ADPRH: variants seen among roughly 807,000 people sequenced by gnomAD.
ADPRH encodes the protein ADP-ribosylarginine hydrolase.
A neutral mutation model predicts 28.8 loss-of-function variants in ADPRH; 27 were observed. The ratio of observed to expected loss-of-function variants is 0.94; its 90% CI spans 0.69 to 1.29. The LOEUF (loss-of-function observed/expected upper bound fraction) is 1.29, where lower values mean the gene tolerates loss of function less well. ADPRH is among the 50% of genes most tolerant of loss of function. ADPRH has a pLI of 0.00. For missense variants in ADPRH, 419 were observed against 444.8 expected, an observed-to-expected ratio of 0.94 and a Z score of 0.52; for synonymous variants, 161 against 166.9, an observed-to-expected ratio of 0.96 and a Z score of 0.27.
In ADPRH at chr3:119,579,686, G is replaced by C. The variant is rs930127370; in HGVS notation, c.-288G>C. 1 of 152,418 alleles carries C rather than the reference G, an allele frequency of 6.6e-6. No homozygotes were observed. Among genetic ancestry groups the C allele is most frequent in the Non-Finnish European group, 1.5e-5 (1 of 68,178 alleles). 9.4% of individuals were successfully genotyped at this position (152,418 alleles called of 1,614,324 possible). ...CAGCGCGGCCAAGCGCAGGTGCGGG[G>C]GCCCTCGCCGCCACCCTGCTTATCT... On this transcript the variant is annotated 5_prime_UTR_variant, in exon 1 of 5. Transcript: ENST00000357003.
Position 119,588,964 on chromosome 3 carries a change from C to T in ADPRH, c.*1086C>T, listed in dbSNP as rs1423520960. 1 of 152,182 alleles carries T rather than the reference C, an allele frequency of 6.6e-6. No homozygotes were observed. Among genetic ancestry groups the T allele is most frequent in the Non-Finnish European group, 1.5e-5 (1 of 68,052 alleles). The allele number at this position is 152,182 out of a possible 1,614,324, so 9.4% of individuals were successfully genotyped here. ...CCTCCAGAGTTATGTTTACGAATAA[C>T]AAATTGACCATGCTAAACTAATCAT... On this transcript the variant is annotated 3_prime_UTR_variant, in exon 5 of 5. Coordinates refer to ENST00000357003, the MANE Select transcript of ADPRH (RefSeq NM_001125.4).
intron 1 of ADPRH, 145 bp from the exon 2 acceptor site, chr3:119,580,406 C>T (rs1313287849): frequency 1.3e-5 from 2 of 152,070 alleles, no homozygotes; most frequent in East Asian, 1.9e-4. Context: ...GTCTAGTAGC[C>T]CAGAATCTCA....
chr3:119,583,106 G>A (rs539798037), intron 3 of ADPRH, among the ~76,000 whole-genome samples: 23 of 152,278 alleles, frequency 1.5e-4, no homozygotes, highest in Admixed American at 7.2e-4. Flanking sequence ...GCACATACCT[G>A]TAGTCCCAGC....
At position 119,589,093 on chromosome 3, in the gene ADPRH, G is replaced by C. The variant is rs374044722; in HGVS notation, c.*1215G>C. On this transcript the variant is annotated 3_prime_UTR_variant, in exon 5 of 5. Coordinates refer to ENST00000357003, the MANE Select transcript of ADPRH (RefSeq NM_001125.4). ...TGTCCTTCAAGACCCAACTCAGATA[G>C]ATAGAGCTTCCTGAGTGAAACCTGC... is the stretch of plus-strand genomic sequence containing the variant. The C allele has an allele frequency of 7.9e-5, 12 of 152,246 alleles. No individual in the cohort carries two copies. Among genetic ancestry groups the C allele is most frequent in the Non-Finnish European group, 1.8e-4 (12 of 68,076 alleles). 9.4% of individuals were successfully genotyped at this position (152,246 alleles called of 1,614,324 possible). A position where few individuals can be genotyped will look rare whatever the true frequency, so the allele number is the denominator to read the frequency against.
chr3:119,587,810 C>G lies in ADPRH; in HGVS notation c.1006C>G (p.Arg336Gly). ...CTATGAGAAACTAGAATACAGAAAC[C>G]GGCTGGAAGAGACAGCTAGGGCTTT... ...SNYEKLEYRNRLEETARALYS... is the reference protein window; with the variant it reads ...SNYEKLEYRNGLEETARALYS... The change falls in exon 5 of 5, where the codon CGG becomes GGG. Residue 336 changes from arginine (R) to glycine (G), a missense_variant. By Grantham distance (125) the Arg-to-Gly change is moderately radical. Coordinates refer to ENST00000357003, the MANE Select transcript of ADPRH (RefSeq NM_001125.4). 1 of 1,613,786 alleles carries G rather than the reference C, an allele frequency of 6.2e-7. No individual in the cohort carries two copies. The highest frequency in any genetic ancestry group is 1.7e-5 in the Admixed American group (1 of 59,978).
Position 119,582,433 on chromosome 3 carries a change from A to C in ADPRH, c.264A>C (p.Gln88His), listed in dbSNP as rs2082415951. ...ATTACCTCCTTGCTAAGCATTACCA[A>C]GACTGCATGGAAGACATGGATGGGC... is the stretch of plus-strand genomic sequence containing the variant. Reference protein sequence around the residue: ...QLYYLLAKHYQDCMEDMDGRA... With the variant: ...QLYYLLAKHYHDCMEDMDGRA... Residue 88 changes from glutamine (Q) to histidine (H), a missense_variant, in exon 3 of 5, where the codon CAA becomes CAC. Coordinates refer to ENST00000357003, the MANE Select transcript of ADPRH (RefSeq NM_001125.4). 2.5e-6 allele frequency: 4 copies of C among 1,613,980 alleles called. No homozygotes were observed. Among genetic ancestry groups the C allele is most frequent in the Non-Finnish European group, 3.4e-6 (4 of 1,179,900 alleles).
chr3:119,582,137 C>A lies in ADPRH; in HGVS notation c.-33C>A. 1.4e-6 allele frequency: 2 copies of A among 1,405,034 alleles called. No individual in the cohort carries two copies. Among genetic ancestry groups the A allele is most frequent in the Non-Finnish European group, 1.9e-6 (2 of 1,054,496 alleles). 87.0% of individuals were successfully genotyped at this position (1,405,034 alleles called of 1,614,324 possible). A position where few individuals can be genotyped will look rare whatever the true frequency, so the allele number is the denominator to read the frequency against. On this transcript the variant is annotated 5_prime_UTR_variant, in exon 3 of 5. Transcript: ENST00000357003. ...TTGTCTTAATTTCCCCACAAAGACA[C>A]CCTCTCCAGAGCCCAGCAATTGTGA... is the stretch of plus-strand genomic sequence containing the variant.
chr3:119,579,586 G>C lies in ADPRH; in HGVS notation c.-388G>C, dbSNP rs1525837. The C allele has an allele frequency of 6.6e-6, 1 of 152,292 alleles. No homozygotes were observed. Among genetic ancestry groups the C allele is most frequent in the Non-Finnish European group, 1.5e-5 (1 of 68,070 alleles). The allele number at this position is 152,292 out of a possible 1,614,324, so 9.4% of individuals were successfully genotyped here. Reference sequence around the variant, plus strand: ...ATTTGGGGCGGGCGACGGAGGTCCCGTCCACTCTCGCTTGGGTGCAGAAGG... The same window carrying C: ...ATTTGGGGCGGGCGACGGAGGTCCCCTCCACTCTCGCTTGGGTGCAGAAGG... On this transcript the variant is annotated 5_prime_UTR_variant, in exon 1 of 5. Transcript: ENST00000357003.
At position 119,588,229 on chromosome 3, in the gene ADPRH, A is replaced by G; in HGVS notation, c.*351A>G. 1 of 176,440 alleles carries G rather than the reference A, an allele frequency of 5.7e-6. No homozygotes were observed. The highest frequency in any genetic ancestry group is 1.2e-5 in the Non-Finnish European group (1 of 84,776). 10.9% of individuals were successfully genotyped at this position (176,440 alleles called of 1,614,324 possible). A position where few individuals can be genotyped will look rare whatever the true frequency, so the allele number is the denominator to read the frequency against. ...TCCCACAAAGTGGACTTTGAGACAA[A>G]GATCTGAATGCAAGCAGTTTATATG... On this transcript the variant is annotated 3_prime_UTR_variant, in exon 5 of 5. Coordinates refer to ENST00000357003, the MANE Select transcript of ADPRH (RefSeq NM_001125.4).
intron 3 of ADPRH, among the ~76,000 whole-genome samples, chr3:119,585,698 T>G (rs1015214760): frequency 1.3e-5 from 2 of 152,170 alleles, no homozygotes; most frequent in Non-Finnish European, 2.9e-5. Context: ...TACAGGCATG[T>G]GTCACCACGC....
intron 3 of ADPRH, among the ~76,000 whole-genome samples, chr3:119,583,254 G>T (rs2082424644): frequency 6.6e-6 from 1 of 151,892 alleles, no homozygotes; most frequent in Non-Finnish European, 1.5e-5. Flanking sequence ...TAAATAGAAA[G>T]AACCTAAATC....
chr3:119,585,912 C>A (rs1036613691), intron 3 of ADPRH, among the ~76,000 whole-genome samples: 1 of 152,212 alleles, frequency 6.6e-6, no homozygotes, highest in African/African-American at 2.4e-5. Context: ...GGATTTTACC[C>A]AGCCACTAAC....
Position 119,587,787 on chromosome 3 carries a change from A to G in ADPRH, c.983A>G (p.Tyr328Cys), listed in dbSNP as rs751020178. 3.7e-6 allele frequency: 6 copies of G among 1,614,170 alleles called. No homozygotes were observed. The highest frequency in any genetic ancestry group is 2.2e-5 in the South Asian group (2 of 91,068). ...YGFKGVSPSN[Y>C]EKLEYRNRLE... ...TTTAAAGGAGTGAGTCCCTCCAACTATGAGAAACTAGAATACAGAAACCGG... is the reference window on the plus strand; with the variant it reads ...TTTAAAGGAGTGAGTCCCTCCAACTGTGAGAAACTAGAATACAGAAACCGG... The change falls in exon 5 of 5, where the codon TAT becomes TGT. Residue 328 changes from tyrosine (Y) to cysteine (C), a missense_variant. Coordinates refer to ENST00000357003, the MANE Select transcript of ADPRH (RefSeq NM_001125.4).
chr3:119,587,369 G>A, intron 4 of ADPRH, 95 bp from the exon 5 acceptor site: 2 of 1,010,394 alleles, frequency 2.0e-6, no homozygotes, highest in Non-Finnish European at 2.8e-6. Context: ...AAGTTATGTT[G>A]GATTTTTCTC....
At position 119,587,625 on chromosome 3, in the gene ADPRH, C is replaced by T. The variant is rs1317410209; in HGVS notation, c.821C>T (p.Ala274Val). ...TGGGGTGGCAGCAGTGGGCACGATGCCCCCATGATTGCCTACGATGCTGTT... is the reference window on the plus strand; with the variant it reads ...TGGGGTGGCAGCAGTGGGCACGATGTCCCCATGATTGCCTACGATGCTGTT... ...SGWGGSSGHD[A>V]PMIAYDAVLA... Residue 274 changes from alanine to valine, a missense_variant, in exon 5 of 5, where the codon GCC becomes GTC. Physicochemically the swap from Ala to Val is moderately conservative, Grantham distance 64. Transcript: ENST00000357003. 6.2e-7 allele frequency: 1 copy of T among 1,614,158 alleles called. No individual in the cohort carries two copies. The highest frequency in any genetic ancestry group is 1.3e-5 in the African/African-American group (1 of 75,054).
At chr3:119,583,447 A>G (rs1405235730) in intron 3 of ADPRH, among the ~76,000 whole-genome samples, 1 of 152,256 alleles carries the variant, frequency 6.6e-6, no homozygotes, top group African/African-American at 2.4e-5. Flanking sequence ...TTGTTTACAT[A>G]TATCAAATCA....
rs1342413883 is a variant in ADPRH at position 119,586,281 on chromosome 3, C to T, written c.299-4C>T. ...CCCCCATCCCTTATCCGACTCTTCC[C>T]CAGGTGGTGCCTCGGTGCACAACGC... is the stretch of plus-strand genomic sequence containing the variant. On this transcript the variant is annotated splice_polypyrimidine_tract_variant and splice_region_variant and intron_variant, in intron 3 of 4. Transcript: ENST00000357003. 5 of 1,612,702 alleles carry T rather than the reference C, an allele frequency of 3.1e-6. No homozygotes were observed. The highest frequency in any genetic ancestry group is 4.2e-6 in the Non-Finnish European group (5 of 1,180,028).
Position 119,584,408 on chromosome 3 carries a change from A to T in ADPRH, c.299-1877A>T, listed in dbSNP as rs186307619. On this transcript the variant is annotated intron_variant, in intron 3 of 4. Transcript: ENST00000357003. ...TGAAATCCCATCTCTACTAAAAATT[A>T]AAAAATTAGCTGGGTGTGATGGTGC... Among the ~76,000 whole-genome samples, 895 of 152,098 alleles carry T rather than the reference A, an allele frequency of 5.9e-3. 9 individuals carry two copies. Among genetic ancestry groups the T allele is most frequent in the African/African-American group, 0.021 (860 of 41,498 alleles).
At position 119,588,036 on chromosome 3, in the gene ADPRH, T is replaced by C; in HGVS notation, c.*158T>C. ...CACCTTAAGCTCAGTTTTTTCAGGC[T>C]CATCCTGTTCTTCCAGAATCTATCC... On this transcript the variant is annotated 3_prime_UTR_variant, in exon 5 of 5. Transcript: ENST00000357003. 1 of 661,464 alleles carries C rather than the reference T, an allele frequency of 1.5e-6. No homozygotes were observed. The highest frequency in any genetic ancestry group is 2.4e-6 in the Non-Finnish European group (1 of 424,042). The allele number at this position is 661,464 out of a possible 1,614,324, so 41.0% of individuals were successfully genotyped here.
Sources: allele counts gnomAD v4.1 joint callset (sites outside exome capture counted in the v4.1 genomes callset), GRCh38; gene constraint gnomAD v4.1.1; transcripts MANE v1.5; gene names NCBI Gene and HGNC (gene_info 2026-07-23, HGNC 2026-07-21).